The following CNBD1 variants were observed in gnomAD, a reference collection of about 807,000 sequenced individuals.
The protein encoded by CNBD1 is cyclic nucleotide binding domain containing 1.
Under a neutral mutation model 54.4 loss-of-function variants are expected in CNBD1, and 71 were observed. The ratio of observed to expected loss-of-function variants is 1.30; its 90% CI spans 1.08 to 1.59. The LOEUF is 1.59. Among genes scored for constraint, CNBD1 ranks in the 40% most tolerant of loss-of-function variants. The pLI is 0.00. For missense variants in CNBD1, 659 were observed against 518.0 expected (o/e 1.27, Z -2.64); for synonymous variants, 182 against 170.7 (o/e 1.07, Z -0.51).
intron 4 of CNBD1, among the ~76,000 whole-genome samples, chr8:87,159,013 T>C (rs1402175992): frequency 6.6e-6 from 1 of 152,180 alleles, no homozygotes; most frequent in Non-Finnish European, 1.5e-5. Flanking sequence ...GAATCCATTA[T>C]TTATTTCATT....
Position 87,195,255 on chromosome 8 carries a change from G to A in CNBD1, c.432-10738G>A, listed in dbSNP as rs1813693891. 2.9e-5 allele frequency among the ~76,000 whole-genome samples: 4 copies of A among 137,676 alleles called. No individual in the cohort carries two copies. In the South Asian group the frequency reaches 9.0e-4, roughly 31 times the overall value. 90.3% of individuals were successfully genotyped at this position (137,676 alleles called of 152,430 possible). A position where few individuals can be genotyped will look rare whatever the true frequency, so the allele number is the denominator to read the frequency against. ...TTTTTTTTTTTTTTTCTGAGATGGA[G>A]TCTCACTCTGTCACACAGGCTGGAG... On this transcript the variant is annotated intron_variant, in intron 4 of 10. Transcript: ENST00000518476.
rs535610486 is a variant in CNBD1, at chr8:87,277,758, A to C, written c.772-6920A>C. 2.0e-5 allele frequency among the ~76,000 whole-genome samples: 3 copies of C among 151,808 alleles called. No individual in the cohort carries two copies. The South Asian group carries it at 6.2e-4, about 31-fold the overall frequency. ...TATACTAATTGACTGTGAGAAAAATAAAGTACCTCAGAGAAAGATGACATA... is the reference window on the plus strand; with the variant it reads ...TATACTAATTGACTGTGAGAAAAATCAAGTACCTCAGAGAAAGATGACATA... On this transcript the variant is annotated intron_variant, in intron 6 of 10. Transcript: ENST00000518476.
intron 2 of CNBD1, among the ~76,000 whole-genome samples, chr8:87,426,025 C>G (rs957938118): frequency 6.6e-6 from 1 of 152,154 alleles, no homozygotes; most frequent in Non-Finnish European, 1.5e-5. Context: ...TCGTGGTGCA[C>G]CGTTTTTTAA....
At chr8:87,145,983 G>T (rs907603578) in intron 4 of CNBD1, among the ~76,000 whole-genome samples, 2 of 152,068 alleles carry the variant, frequency 1.3e-5, no homozygotes, top group East Asian at 3.9e-4. Flanking sequence ...TATATCTCAG[G>T]ATAAAAATTT....
intron 10 of CNBD1, among the ~76,000 whole-genome samples, chr8:87,367,622 G>T (rs936027299): frequency 6.6e-6 from 1 of 152,114 alleles, no homozygotes; most frequent in Non-Finnish European, 1.5e-5. Flanking sequence ...AGTATTCACT[G>T]TGTTCCACAC....
intron 8 of CNBD1, among the ~76,000 whole-genome samples, chr8:87,321,964 C>A (rs1390698533): frequency 6.8e-6 from 1 of 146,576 alleles, no homozygotes; most frequent in East Asian, 2.0e-4. Context: ...TCCCCCCACC[C>A]CACCACAGTC....
chr8:87,258,982 G>A (rs1808079587), intron 6 of CNBD1, among the ~76,000 whole-genome samples: 1 of 152,022 alleles, frequency 6.6e-6, no homozygotes, highest in Admixed American at 6.6e-5. Flanking sequence ...CCTAAACTAA[G>A]CAAACATTTA....
At chr8:87,427,990 G>A (rs1173204351) in intron 2 of CNBD1, among the ~76,000 whole-genome samples, 2 of 151,990 alleles carry the variant, frequency 1.3e-5, no homozygotes, top group African/African-American at 2.4e-5. Flanking sequence ...GGGTAGGGTA[G>A]CCTGATATAC....
intron 4 of CNBD1, among the ~76,000 whole-genome samples, chr8:86,942,563 C>A (rs1036084030): frequency 6.6e-6 from 1 of 152,204 alleles, no homozygotes; most frequent in African/African-American, 2.4e-5. Context: ...TAGATCCTTG[C>A]CATGTGGCAC....
chr8:87,281,129 C>T (rs1692656405), intron 6 of CNBD1, among the ~76,000 whole-genome samples: 1 of 151,606 alleles, frequency 6.6e-6, no homozygotes, highest in South Asian at 2.1e-4. Flanking sequence ...CTGTAATCAT[C>T]TGCTGTATAT....
rs377313667 is a variant in CNBD1, at chr8:87,060,848, C to A, written c.431+121094C>A. 8.5e-5 allele frequency among the ~76,000 whole-genome samples: 13 copies of A among 152,156 alleles called. 1 individual carries two copies. Among genetic ancestry groups the A allele is most frequent in the African/African-American group, 2.9e-4 (12 of 41,504 alleles). ...AAATTAAAGTGGGTGCAGAGCATAA[C>A]TTACAAATGATAAAATGCAACTAGT... On this transcript the variant is annotated intron_variant, in intron 4 of 10. Coordinates refer to ENST00000518476, the MANE Select transcript of CNBD1 (RefSeq NM_173538.3).
At chr8:87,358,022 T>G (rs1810455693) in intron 10 of CNBD1, among the ~76,000 whole-genome samples, 2 of 152,244 alleles carry the variant, frequency 1.3e-5, no homozygotes, top group Admixed American at 1.3e-4. Flanking sequence ...TCCCTCTCTC[T>G]CCATGTGACA....
intron 4 of CNBD1, among the ~76,000 whole-genome samples, chr8:87,060,783 G>A (rs1810527397): frequency 6.6e-6 from 1 of 152,006 alleles, no homozygotes; most frequent in African/African-American, 2.4e-5. Flanking sequence ...ATATGAAAAA[G>A]TTTAATATAT....
chr8:87,294,632 A>G (rs1458024512), intron 8 of CNBD1, among the ~76,000 whole-genome samples: 1 of 152,162 alleles, frequency 6.6e-6, no homozygotes, highest in East Asian at 1.9e-4. Flanking sequence ...GACTCATTTC[A>G]TGTGTGGAAA....
chr8:87,383,678 C>A (rs113352379), downstream of CNBD1, among the ~76,000 whole-genome samples: 2,282 of 152,154 alleles, frequency 0.015, 58 homozygotes, highest in African/African-American at 0.049. Context: ...TTGCAATTCT[C>A]AAGTAAAAAA....
At position 86,920,959 on chromosome 8, in the gene CNBD1, T is replaced by C. The variant is rs537490291; in HGVS notation, c.272+15765T>C. Among the ~76,000 whole-genome samples, 7 of 152,252 alleles carry C rather than the reference T, an allele frequency of 4.6e-5. No individual in the cohort carries two copies. In the South Asian group the frequency reaches 1.4e-3, roughly 32 times the overall value. On this transcript the variant is annotated intron_variant, in intron 3 of 10. Coordinates refer to ENST00000518476, the MANE Select transcript of CNBD1 (RefSeq NM_173538.3). ...GTCTAGATGGCCTATAAATTCTCTCTAAATGTGTGAGAGCAGAAAATGTTC... is the reference window on the plus strand; with the variant it reads ...GTCTAGATGGCCTATAAATTCTCTCCAAATGTGTGAGAGCAGAAAATGTTC...
At chr8:87,157,859 G>A (rs1032019368) in intron 4 of CNBD1, among the ~76,000 whole-genome samples, 1 of 152,114 alleles carries the variant, frequency 6.6e-6, no homozygotes, top group East Asian at 1.9e-4. Context: ...ATAAATAGCT[G>A]TGATTTCTCT....
At chr8:87,028,130 T>C (rs1481136506) in intron 4 of CNBD1, among the ~76,000 whole-genome samples, 2 of 152,190 alleles carry the variant, frequency 1.3e-5, no homozygotes, top group African/African-American at 2.4e-5. Flanking sequence ...CTCAGTCAGT[T>C]AGGCTTGTTC....
intron 2 of CNBD1, among the ~76,000 whole-genome samples, chr8:86,893,094 C>G (rs1808796999): frequency 6.6e-6 from 1 of 152,146 alleles, no homozygotes. Context: ...CTGATGACCA[C>G]TAGCTGGCAC....
Sources: allele counts gnomAD v4.1 joint callset (sites outside exome capture counted in the v4.1 genomes callset), GRCh38; gene constraint gnomAD v4.1.1; transcripts MANE v1.5; gene names NCBI Gene and HGNC (gene_info 2026-07-23, HGNC 2026-07-21).